XPA: variants seen among roughly 807,000 people sequenced by gnomAD.
The protein encoded by XPA is XPA, DNA damage recognition and repair factor.
Under a neutral mutation model 35.7 loss-of-function variants are expected in XPA, and 27 were observed. The observed-to-expected ratio is 0.76, with a 90% CI of 0.56 to 1.04. The LOEUF (loss-of-function observed/expected upper bound fraction) is 1.04. Among genes scored for constraint, XPA ranks in the 50% least tolerant of loss-of-function variants. XPA has a pLI of 0.00. For missense variants in XPA, 354 were observed against 342.7 expected, an observed-to-expected ratio of 1.03 and a Z score of -0.26; for synonymous variants, 133 against 118.4, an observed-to-expected ratio of 1.12 and a Z score of -0.80.
chr9:97,668,260 A>G, the XPA span, among the ~76,000 whole-genome samples: 1 of 152,188 alleles, frequency 6.6e-6, no homozygotes, highest in African/African-American at 2.4e-5. Context: ...ATGGAAATAA[A>G]CCATGCCTTG....
Sources: allele counts gnomAD v4.1 joint callset (sites outside exome capture counted in the v4.1 genomes callset), GRCh38; gene constraint gnomAD v4.1.1; transcripts MANE v1.5; gene names NCBI Gene and HGNC (gene_info 2026-07-23, HGNC 2026-07-21).